OSBPL9: variants seen among roughly 807,000 people sequenced by gnomAD.
The protein encoded by OSBPL9 is oxysterol binding protein like 9, also known as oxysterol-binding protein-related protein 9.
A neutral mutation model predicts 106.6 loss-of-function variants in OSBPL9; 40 were observed. The observed-to-expected ratio is 0.38, with a 90% CI of 0.29 to 0.49. The LOEUF is 0.49. Among genes scored for constraint, OSBPL9 ranks in the 20% least tolerant of loss-of-function variants. The pLI, the probability that OSBPL9 is intolerant of heterozygous loss-of-function variation, is 0.97. For synonymous variants in OSBPL9, 269 were observed against 295.4 expected (o/e 0.91, Z 0.92); for missense variants, 609 against 887.2 (o/e 0.69, Z 3.98).
At chr1:51,637,868 G>A (rs1645549291) in intron 1 of OSBPL9, among the ~76,000 whole-genome samples, 2 of 152,178 alleles carry the variant, frequency 1.3e-5, no homozygotes, top group Admixed American at 6.5e-5. Flanking sequence ...TTGACATCAA[G>A]ATGCAGTATC....
intron 3 of OSBPL9, among the ~76,000 whole-genome samples, chr1:51,675,477 A>G (rs1018798161): frequency 2.6e-5 from 4 of 152,050 alleles, no homozygotes; most frequent in East Asian, 1.9e-4. Flanking sequence ...AAATGCATCT[A>G]TGGGCTAGAT....
intron 1 of OSBPL9, among the ~76,000 whole-genome samples, chr1:51,643,014 A>C (rs1557628144): frequency 6.6e-6 from 1 of 152,236 alleles, no homozygotes; most frequent in African/African-American, 2.4e-5. Flanking sequence ...ATTTTGGCTC[A>C]TGGTTTTAGC....
At chr1:51,637,809 C>T (rs12736315) in intron 1 of OSBPL9, among the ~76,000 whole-genome samples, 2,027 of 152,290 alleles carry the variant, frequency 0.013, 24 homozygotes, top group Non-Finnish European at 0.022. Context: ...AAATTATAAG[C>T]AGCATCAGAC....
chr1:51,770,492 A>G (rs1673630204), intron 12 of OSBPL9, among the ~76,000 whole-genome samples: 2 of 152,206 alleles, frequency 1.3e-5, no homozygotes, highest in Middle Eastern at 3.4e-3. Flanking sequence ...TACCCAGGCT[A>G]GACTCAAACT....
intron 6 of OSBPL9, among the ~76,000 whole-genome samples, chr1:51,747,297 C>T (rs1232888919): frequency 6.6e-6 from 1 of 152,170 alleles, no homozygotes; most frequent in African/African-American, 2.4e-5. Flanking sequence ...TTTTCTGTAT[C>T]ATATTCCTAG....
chr1:51,740,303 A>C, intron 4 of OSBPL9: 1 of 1,337,944 alleles, frequency 7.5e-7, no homozygotes, highest in Admixed American at 3.6e-5. Flanking sequence ...CTAATTGTGA[A>C]CATAAACTTT....
the OSBPL9 span, among the ~76,000 whole-genome samples, chr1:51,528,635 G>T: frequency 6.6e-6 from 1 of 152,070 alleles, no homozygotes; most frequent in East Asian, 1.9e-4. Context: ...ACTTTGGGAG[G>T]TCAAGTTGGG....
intron 1 of OSBPL9, among the ~76,000 whole-genome samples, chr1:51,596,250 C>T (rs927835589): frequency 5.3e-5 from 7 of 131,148 alleles, no homozygotes; most frequent in East Asian, 2.2e-4. Flanking sequence ...CAGAGTGAGA[C>T]GCTGTCTCAA....
chr1:51,648,843 A>C (rs915322784), intron 1 of OSBPL9, among the ~76,000 whole-genome samples: 4 of 152,210 alleles, frequency 2.6e-5, no homozygotes, highest in African/African-American at 9.6e-5. Context: ...TGCCTGTTAC[A>C]TAAGGGGCAG....
At chr1:51,702,577 T>C (rs1351196904) in intron 3 of OSBPL9, among the ~76,000 whole-genome samples, 1 of 152,242 alleles carries the variant, frequency 6.6e-6, no homozygotes, top group Non-Finnish European at 1.5e-5. Flanking sequence ...GCAAAATTTT[T>C]CTCCCATTCT....
At chr1:51,716,875 A>T (rs1037449192) in intron 4 of OSBPL9, among the ~76,000 whole-genome samples, 9 of 151,628 alleles carry the variant, frequency 5.9e-5, no homozygotes, top group East Asian at 5.8e-4. Context: ...TGCTTTTTTT[A>T]AAAAAAAATT....
intron 1 of OSBPL9, among the ~76,000 whole-genome samples, 155 bp downstream of exon 1, chr1:51,617,376 G>C (rs1333227256): frequency 1.3e-5 from 2 of 152,166 alleles, no homozygotes; most frequent in Non-Finnish European, 2.9e-5. Flanking sequence ...TTTACGTCTC[G>C]GATAGCCAAT....
chr1:51,760,528 C>G, intron 9 of OSBPL9, 162 bp from the exon 10 acceptor site: 1 of 965,314 alleles, frequency 1.0e-6, no homozygotes, highest in Non-Finnish European at 1.5e-6. Context: ...GCAACTCTTA[C>G]ACTTCTGTAT....
At chr1:51,536,311 A>G in the OSBPL9 span, among the ~76,000 whole-genome samples, 1 of 151,704 alleles carries the variant, frequency 6.6e-6, no homozygotes, top group Non-Finnish European at 1.5e-5. Flanking sequence ...TTTTCTTTTA[A>G]TTATTATTTT....
At chr1:51,704,436 T>C (rs988611680) in intron 3 of OSBPL9, among the ~76,000 whole-genome samples, 7 of 152,242 alleles carry the variant, frequency 4.6e-5, no homozygotes, top group South Asian at 2.1e-4. Context: ...GTAGAGGTGT[T>C]TATAGTATTC....
chr1:51,525,322 C>A, the OSBPL9 span, among the ~76,000 whole-genome samples: 13 of 152,146 alleles, frequency 8.5e-5, no homozygotes, highest in African/African-American at 3.1e-4. Flanking sequence ...TGTGAGAGAG[C>A]CTGGTTCAGT....
At chr1:51,751,152 A>G (rs1231885417) in intron 8 of OSBPL9, among the ~76,000 whole-genome samples, 6 of 152,280 alleles carry the variant, frequency 3.9e-5, no homozygotes, top group East Asian at 1.9e-4. Context: ...CAGTGGCACA[A>G]TCTCAGCTCA....
intron 4 of OSBPL9, among the ~76,000 whole-genome samples, chr1:51,740,488 A>G (rs12064693): frequency 0.19 from 28,658 of 151,896 alleles, 3,401 homozygotes; most frequent in Middle Eastern, 0.32. Flanking sequence ...TTTTTAAGCT[A>G]TTGTTTAATT....
chr1:51,646,826 C>T (rs553665685), intron 1 of OSBPL9, among the ~76,000 whole-genome samples: 50 of 152,278 alleles, frequency 3.3e-4, no homozygotes, highest in African/African-American at 1.2e-3. Context: ...TGATCCATTG[C>T]ACCCAGCCCC....
Sources: allele counts gnomAD v4.1 joint callset (sites outside exome capture counted in the v4.1 genomes callset), GRCh38; gene constraint gnomAD v4.1.1; transcripts MANE v1.5; gene names NCBI Gene and HGNC (gene_info 2026-07-23, HGNC 2026-07-21).